Variants in TFDP2 observed in about 807,000 individuals in gnomAD.
TFDP2 encodes transcription factor Dp-2 (E2F dimerization partner 2).
Under a neutral mutation model 59.3 loss-of-function variants are expected in TFDP2, and 17 were observed. That is an observed-to-expected ratio of 0.29 (90% CI 0.20 to 0.43). The LOEUF is 0.43. Among genes scored for constraint, TFDP2 ranks in the 20% least tolerant of loss-of-function variants. The pLI is 1.00. For synonymous variants in TFDP2, 180 were observed against 194.7 expected (o/e 0.92, Z 0.63); for missense variants, 391 against 528.8 (o/e 0.74, Z 2.56).
intron 3 of TFDP2, among the ~76,000 whole-genome samples, chr3:142,085,929 A>G (rs540567482): frequency 2.0e-5 from 3 of 152,320 alleles, no homozygotes; most frequent in Non-Finnish European, 4.4e-5. Flanking sequence ...ATCTACCTTG[A>G]TTAGTACCTT....
intron 1 of TFDP2, among the ~76,000 whole-genome samples, chr3:142,107,528 G>A (rs77876121): frequency 0.012 from 1,841 of 152,024 alleles, 40 homozygotes; most frequent in African/African-American, 0.042. Flanking sequence ...CACCGCACCC[G>A]GCCCTAGAAG....
chr3:141,961,240 T>G (rs889045464), intron 10 of TFDP2, among the ~76,000 whole-genome samples: 16 of 133,980 alleles, frequency 1.2e-4, no homozygotes, highest in South Asian at 2.4e-4. Flanking sequence ...TTTTGTTGTT[T>G]TTTTTTTTTT....
chr3:142,141,740 T>C (rs1208332536), intron 1 of TFDP2, among the ~76,000 whole-genome samples: 1 of 151,884 alleles, frequency 6.6e-6, no homozygotes, highest in African/African-American at 2.4e-5. Context: ...CAAGAATCAC[T>C]TGAACCCGGG....
intron 3 of TFDP2, among the ~76,000 whole-genome samples, chr3:142,068,020 AAGACT>A (rs1198093358): frequency 6.7e-4 from 102 of 151,632 alleles, no homozygotes; most frequent in African/African-American, 2.4e-3. Flanking sequence ...AAAAAAAAAA[AAGACT>A]GTAACTATAA....
chr3:141,994,891 G>T, intron 5 of TFDP2, 129 bp downstream of exon 5: 1 of 696,590 alleles, frequency 1.4e-6, no homozygotes. Flanking sequence ...AAATAAAATA[G>T]GTGATTTTAA....
chr3:142,067,682 C>A (rs1463906156), intron 3 of TFDP2, among the ~76,000 whole-genome samples: 1 of 152,034 alleles, frequency 6.6e-6, no homozygotes, highest in Non-Finnish European at 1.5e-5. Context: ...TAAAGAAAAG[C>A]TGGAGGACTA....
At chr3:142,058,710 G>A (rs1035197031) in intron 3 of TFDP2, among the ~76,000 whole-genome samples, 1 of 152,130 alleles carries the variant, frequency 6.6e-6, no homozygotes, top group Admixed American at 6.6e-5. Flanking sequence ...GGTAGGGGGT[G>A]GGTGCACAGA....
chr3:142,104,308 C>T (rs1189972500), intron 1 of TFDP2, among the ~76,000 whole-genome samples: 1 of 152,168 alleles, frequency 6.6e-6, no homozygotes, highest in African/African-American at 2.4e-5. Context: ...TCCCATTCAA[C>T]AGACTACCTG....
rs868757558 is a variant in TFDP2, at chr3:141,944,894, G to A, written c.*7619C>T. On this transcript the variant is annotated 3_prime_UTR_variant, in exon 13 of 13. Coordinates refer to ENST00000489671, the MANE Select transcript of TFDP2 (RefSeq NM_001178139.2). ...AAAATAATATATCATATTAGGTTGT[G>A]TACTTCAATCTAATAAAGGAAAGTC... 5 of 152,204 alleles carry A rather than the reference G, an allele frequency of 3.3e-5. No individual in the cohort carries two copies. The highest frequency in any genetic ancestry group is 1.2e-4 in the African/African-American group (5 of 41,440). 9.4% of individuals were successfully genotyped at this position (152,204 alleles called of 1,614,324 possible).
chr3:142,012,530 T>A (rs1471217116), intron 3 of TFDP2, among the ~76,000 whole-genome samples: 6 of 152,164 alleles, frequency 3.9e-5, no homozygotes, highest in African/African-American at 9.7e-5. Context: ...AGCAAAGACC[T>A]ACAAACAATT....
At chr3:141,977,103 T>G (rs1319044479) in intron 7 of TFDP2, among the ~76,000 whole-genome samples, 1,104 of 100,936 alleles carry the variant, frequency 0.011, 18 homozygotes, top group Non-Finnish European at 0.017. Context: ...TATATATATA[T>G]ATATTTTTTT....
At position 142,047,803 on chromosome 3, in the gene TFDP2, G is replaced by A. The variant is rs189153458; in HGVS notation, c.83-42259C>T. On this transcript the variant is annotated intron_variant, in intron 3 of 12. Coordinates refer to ENST00000489671, the MANE Select transcript of TFDP2 (RefSeq NM_001178139.2). ...CCCAGGCTCCAGTGCAGTCAGTGGC[G>A]CGATCTTGGTTCACTGCAACCTCCG... is the stretch of plus-strand genomic sequence containing the variant. Among the ~76,000 whole-genome samples the A allele has an allele frequency of 2.7e-5, 4 of 148,280 alleles. No homozygotes were observed. The East Asian group carries it at 6.0e-4, about 22-fold the overall frequency.
chr3:142,013,196 A>G (rs115529679), intron 3 of TFDP2, among the ~76,000 whole-genome samples: 218 of 152,134 alleles, frequency 1.4e-3, no homozygotes, highest in African/African-American at 5.1e-3. Context: ...GAGAGAGAGA[A>G]TGAATCAGCC....
intron 5 of TFDP2, 98 bp from the exon 6 acceptor site, chr3:141,993,683 A>G (rs1249317479): frequency 3.2e-6 from 2 of 618,490 alleles, no homozygotes; most frequent in Non-Finnish European, 5.3e-6. Flanking sequence ...TATACACTGA[A>G]TATATTCAAA....
At chr3:141,963,987 AT>A (rs1559928209) in intron 9 of TFDP2, 24 bp from the exon 10 acceptor site, 1 of 1,607,574 alleles carries the variant, frequency 6.2e-7, no homozygotes, top group South Asian at 1.1e-5. Context: ...TAAAAACAAT[AT>A]GGTCAATTGT....
At chr3:142,037,921 T>A (rs1209022359) in intron 3 of TFDP2, among the ~76,000 whole-genome samples, 1 of 152,244 alleles carries the variant, frequency 6.6e-6, no homozygotes, top group Non-Finnish European at 1.5e-5. Flanking sequence ...TACATTATCA[T>A]GTAATAAACA....
In TFDP2 at chr3:141,963,803, T is replaced by TGCAC; in HGVS notation, c.884+8_884+9insGTGC. The TGCAC allele has an allele frequency of 6.2e-7, 1 of 1,609,924 alleles. No individual in the cohort carries two copies. The highest frequency in any genetic ancestry group is 8.5e-7 in the Non-Finnish European group (1 of 1,178,450). On this transcript the variant is annotated intron_variant, in intron 10 of 12. Coordinates refer to ENST00000489671, the MANE Select transcript of TFDP2 (RefSeq NM_001178139.2). Reference sequence around the variant, plus strand: ...CCAGCCCTGCACCCATCCCTAGTTCTCCACTCACTTGTCACTGGAGATGCT... The same window carrying TGCAC: ...CCAGCCCTGCACCCATCCCTAGTTCTGCACCCACTCACTTGTCACTGGAGATGCT...
chr3:141,969,334 C>A (rs1353277952), intron 9 of TFDP2, among the ~76,000 whole-genome samples: 2 of 146,154 alleles, frequency 1.4e-5, no homozygotes, highest in Non-Finnish European at 3.0e-5. Context: ...TGAAACAGAC[C>A]CAGTGTGGTG....
chr3:142,078,859 G>T (rs966756360), intron 3 of TFDP2, among the ~76,000 whole-genome samples: 1 of 152,040 alleles, frequency 6.6e-6, no homozygotes, highest in African/African-American at 2.4e-5. Context: ...TTCAGACAGA[G>T]AATTCAAAAT....
Sources: gnomAD v4.1 joint callset for allele counts (sites outside exome capture counted in the v4.1 genomes callset) on GRCh38, gnomAD v4.1.1 for gene constraint, MANE v1.5 for transcripts, NCBI Gene and HGNC (gene_info 2026-07-23, HGNC 2026-07-21) for gene names.